PACS2: variants seen among roughly 807,000 people sequenced by gnomAD.
PACS2 encodes the protein phosphofurin acidic cluster sorting protein 2.
Under a neutral mutation model 113.0 loss-of-function variants are expected in PACS2, and 36 were observed. The ratio of observed to expected loss-of-function variants is 0.32; its 90% CI spans 0.24 to 0.42. The LOEUF is 0.42. Among genes scored for constraint, PACS2 ranks in the 10% least tolerant of loss-of-function variants. The pLI, the probability that PACS2 is intolerant of heterozygous loss-of-function variation, is 1.00. For missense variants in PACS2, 1,015 were observed against 1,239.5 expected (o/e 0.82, Z 2.72); for synonymous variants, 589 against 536.1 (o/e 1.10, Z -1.36).
intron 1 of PACS2, among the ~76,000 whole-genome samples, chr14:105,327,711 A>G (rs1161962118): frequency 5.9e-5 from 9 of 152,226 alleles, no homozygotes; most frequent in Non-Finnish European, 1.3e-4. Context: ...GGTTTCTTTA[A>G]TTAGCAACAT....
At chr14:105,385,994 C>T (rs1309065851) in intron 19 of PACS2, among the ~76,000 whole-genome samples, 3 of 152,234 alleles carry the variant, frequency 2.0e-5, no homozygotes, top group African/African-American at 4.8e-5. Context: ...TGGCCAGGCC[C>T]GTGTGCTGGG....
rs1224991617 is a variant in PACS2 at position 105,348,341 on chromosome 14, G to A, written c.120-152G>A. 1 of 593,634 alleles carries A rather than the reference G, an allele frequency of 1.7e-6. No homozygotes were observed. The highest frequency in any genetic ancestry group is 3.0e-6 in the Non-Finnish European group (1 of 332,814). 36.8% of individuals were successfully genotyped at this position (593,634 alleles called of 1,614,324 possible). A position where few individuals can be genotyped will look rare whatever the true frequency, so the allele number is the denominator to read the frequency against. ...GGGACAGCTGGGGTGATGTCTTGGA[G>A]CCCTGTGAGGTCCTGGGGCCGCCCA... On this transcript the variant is annotated intron_variant, in intron 1 of 24. Transcript: ENST00000447393. The surrounding 1 kb of genome is among the most constrained non-coding windows in gnomAD (Gnocchi z 6.4).
chr14:105,310,924 C>T (rs2058336449), upstream of PACS2, among the ~76,000 whole-genome samples: 1 of 152,152 alleles, frequency 6.6e-6, no homozygotes, highest in Non-Finnish European at 1.5e-5. Context: ...CATGTAAATA[C>T]ATACTGCACA....
Position 105,329,725 on chromosome 14 carries a change from A to C in PACS2, c.119+14688A>C, listed in dbSNP as rs1176461406. On this transcript the variant is annotated intron_variant, in intron 1 of 24. Coordinates refer to ENST00000447393, the MANE Select transcript of PACS2 (RefSeq NM_001100913.3). The surrounding 1 kb of genome is among the most constrained non-coding windows in gnomAD (Gnocchi z 6.4). ...TGCGTGACTTGCAAACAGGCCTTGC[A>C]GGGCTCTAGTGTATCAGCTCCCGGA... Among the ~76,000 whole-genome samples, 1 of 152,146 alleles carries C rather than the reference A, an allele frequency of 6.6e-6. No individual in the cohort carries two copies. The highest frequency in any genetic ancestry group is 1.5e-5 in the Non-Finnish European group (1 of 68,010).
At chr14:105,312,842 G>A (rs1445402663), upstream of PACS2, among the ~76,000 whole-genome samples, 2 of 152,184 alleles carry the variant, frequency 1.3e-5, no homozygotes, top group African/African-American at 4.8e-5. Flanking sequence ...GGTGTGTTTC[G>A]TGTCCCTGCT....
intron 4 of PACS2, 74 bp from the exon 5 acceptor site, chr14:105,367,139 C>G: frequency 1.4e-6 from 2 of 1,406,530 alleles, no homozygotes; most frequent in Non-Finnish European, 2.0e-6. Flanking sequence ...CTTCAGAAAC[C>G]CCAGCCCACA....
At position 105,319,076 on chromosome 14, in the gene PACS2, T is replaced by C. The variant is rs1470101384; in HGVS notation, c.119+4039T>C. ...AATTCTCCTGCCTCAGCCTCCTGAG[T>C]AGTTGGGACTACAGGCGTGCACCAC... is the stretch of plus-strand genomic sequence containing the variant. On this transcript the variant is annotated intron_variant, in intron 1 of 24. Coordinates refer to ENST00000447393, the MANE Select transcript of PACS2 (RefSeq NM_001100913.3). Among the ~76,000 whole-genome samples the C allele has an allele frequency of 2.0e-5, 3 of 151,902 alleles. 1 individual carries two copies. In the South Asian group the frequency reaches 6.2e-4, roughly 32 times the overall value.
In PACS2 at chr14:105,318,631, TTTTA is replaced by T. The variant is rs767473931; in HGVS notation, c.119+3614_119+3617del. Among the ~76,000 whole-genome samples the T allele has an allele frequency of 2.3e-4, 34 of 150,578 alleles. No homozygotes were observed. The East Asian group carries it at 2.3e-3, about 10-fold the overall frequency. ...TGCCCGGCTAATTTTTGTATTTTTATTTTATTTATTTATTTATTTATTTTTATTT... is the reference window on the plus strand; with the variant it reads ...TGCCCGGCTAATTTTTGTATTTTTATTTTATTTATTTATTTATTTTTATTT... On this transcript the variant is annotated intron_variant, in intron 1 of 24. Transcript: ENST00000447393.
At chr14:105,370,853 C>T (rs1257616865) in intron 8 of PACS2, 1 of 152,260 alleles carries the variant, frequency 6.6e-6, no homozygotes, top group Non-Finnish European at 1.5e-5. Flanking sequence ...AGCCACCGCG[C>T]CCAGCCTTTG....
rs1476612532 is a variant in PACS2 at position 105,307,937 on chromosome 14, CT to C, written c.-83+6961del. ...GTGGCTCACGCCTGTCATCCCAGCA[CT>C]TTGGGAGGCAGAGGTGGGAGGATAG... is the stretch of plus-strand genomic sequence containing the variant. On this transcript the variant is annotated intron_variant, in intron 1 of 23. Transcript: ENST00000430725. Among the ~76,000 whole-genome samples, 11 of 152,226 alleles carry C rather than the reference CT, an allele frequency of 7.2e-5. 1 individual carries two copies. The highest frequency in any genetic ancestry group is 2.9e-5 in the Non-Finnish European group (2 of 68,028).
chr14:105,376,654 T>C lies in PACS2; in HGVS notation c.802-114T>C. The C allele has an allele frequency of 1.1e-6, 1 of 919,614 alleles. No individual in the cohort carries two copies. Among genetic ancestry groups the C allele is most frequent in the South Asian group, 1.6e-5 (1 of 61,698 alleles). The allele number at this position is 919,614 out of a possible 1,614,324, so 57.0% of individuals were successfully genotyped here. A position where few individuals can be genotyped will look rare whatever the true frequency, so the allele number is the denominator to read the frequency against. On this transcript the variant is annotated intron_variant, in intron 8 of 24. Transcript: ENST00000447393. This position sits in a 1 kb window ranked among gnomAD's most constrained non-coding sequence, Gnocchi z 4.7. ...TACAGCCGTGCTGAGTGGAGGGGTTTGGTGGCTGGGTGCCCGCCTCCTATT... is the reference window on the plus strand; with the variant it reads ...TACAGCCGTGCTGAGTGGAGGGGTTCGGTGGCTGGGTGCCCGCCTCCTATT...
At chr14:105,370,042 G>A in intron 8 of PACS2, 142 bp downstream of exon 8, 1 of 714,142 alleles carries the variant, frequency 1.4e-6, no homozygotes, top group Non-Finnish European at 2.3e-6. Flanking sequence ...CGCACAGTCT[G>A]CGAGGCGCAG....
chr14:105,364,845 A>G (rs192062542), intron 4 of PACS2, among the ~76,000 whole-genome samples: 132 of 151,670 alleles, frequency 8.7e-4, no homozygotes, highest in African/African-American at 3.1e-3. Context: ...ACAGGTGCGC[A>G]CCACCATGCC....
rs187948334 is a variant in PACS2 at position 105,364,615 on chromosome 14, C to T, written c.424-2598C>T. ...GTCTCAGAACATACCTCTGTCGTTA[C>T]GTGGTGCATGACTGTTTTTGTAAAA... On this transcript the variant is annotated intron_variant, in intron 4 of 24. Transcript: ENST00000447393. Among the ~76,000 whole-genome samples the T allele has an allele frequency of 2.8e-4, 43 of 151,158 alleles. 1 individual carries two copies. The East Asian group carries it at 6.9e-3, about 24-fold the overall frequency.
chr14:105,377,046 G>A (rs782194191), intron 9 of PACS2, 121 bp downstream of exon 9: 44 of 1,038,600 alleles, frequency 4.2e-5, no homozygotes, highest in Non-Finnish European at 5.1e-5. Context: ...CAGCTGCCTC[G>A]AAGCCTGGGA....
chr14:105,347,705 G>A (rs587643260), intron 1 of PACS2, among the ~76,000 whole-genome samples: 15 of 152,328 alleles, frequency 9.8e-5, no homozygotes, highest in Admixed American at 2.6e-4. Flanking sequence ...GCTTCAAAGA[G>A]AGCTGTGCCA....
intron 1 of PACS2, among the ~76,000 whole-genome samples, chr14:105,341,424 A>G (rs2059719939): frequency 6.6e-6 from 1 of 152,212 alleles, no homozygotes; most frequent in Admixed American, 6.5e-5. Context: ...ATTTTATTTT[A>G]TATTGAGTTG....
intron 8 of PACS2, among the ~76,000 whole-genome samples, chr14:105,375,542 A>T (rs1337225757): frequency 6.6e-6 from 1 of 152,150 alleles, no homozygotes; most frequent in Non-Finnish European, 1.5e-5. Flanking sequence ...AAGACACACA[A>T]GTAGCCAATA....
intron 1 of PACS2, among the ~76,000 whole-genome samples, chr14:105,344,298 G>T (rs1394970354): frequency 1.3e-5 from 2 of 150,310 alleles, no homozygotes; most frequent in African/African-American, 4.9e-5. Context: ...TTAATTAATT[G>T]ATTTATTTTT....
Sources: gnomAD v4.1 joint callset for allele counts (sites outside exome capture counted in the v4.1 genomes callset) on GRCh38, gnomAD v4.1.1 for gene constraint, Gnocchi (gnomAD v3.1) non-coding constraint, MANE v1.5 for transcripts, NCBI Gene and HGNC (gene_info 2026-07-23, HGNC 2026-07-21) for gene names.